Variants in KCNK13 observed in about 807,000 individuals in gnomAD.
KCNK13 encodes potassium channel subfamily K member 13.
KCNK13 carries 12 observed loss-of-function variants against 23.4 expected under a neutral mutation model. The observed-to-expected ratio is 0.51, with a 90% confidence interval of 0.33 to 0.83. The LOEUF (loss-of-function observed/expected upper bound fraction) is 0.83. Ranked by LOEUF, KCNK13 falls within the 40% of genes least tolerant of loss-of-function variation. KCNK13 has a pLI of 0.02. For missense variants in KCNK13, 463 were observed against 556.3 expected, an observed-to-expected ratio of 0.83 and a Z score of 1.69; for synonymous variants, 231 against 229.5, an observed-to-expected ratio of 1.01 and a Z score of -0.06.
intron 1 of KCNK13, among the ~76,000 whole-genome samples, chr14:90,159,843 C>A (rs1453939509): frequency 6.6e-6 from 1 of 152,144 alleles, no homozygotes; most frequent in African/African-American, 2.4e-5. Context: ...CCCTGTATCC[C>A]TTTCTAGATG....
chr14:90,062,127 C>T lies in KCNK13; in HGVS notation c.-79C>T, dbSNP rs1888948420. 2.0e-6 allele frequency: 2 copies of T among 978,332 alleles called. No homozygotes were observed. The highest frequency in any genetic ancestry group is 3.3e-5 in the East Asian group (1 of 30,324). 60.6% of individuals were successfully genotyped at this position (978,332 alleles called of 1,614,324 possible). A position where few individuals can be genotyped will look rare whatever the true frequency, so the allele number is the denominator to read the frequency against. ...CGGGAGCTGGCTGAGCGCCGGGGCC[C>T]TTATTTCCCGGGGGTGTGGGCGAGA... is the stretch of plus-strand genomic sequence containing the variant. On this transcript the variant is annotated 5_prime_UTR_variant, in exon 1 of 2. Transcript: ENST00000282146. The surrounding 1 kb of genome is among the most constrained non-coding windows in gnomAD (Gnocchi z 4.5).
intron 1 of KCNK13, among the ~76,000 whole-genome samples, chr14:90,172,022 A>C (rs1293294085): frequency 1.3e-5 from 2 of 152,046 alleles, no homozygotes; most frequent in African/African-American, 4.8e-5. Flanking sequence ...TGACTTTATA[A>C]AGTTATAGAA....
At chr14:90,099,132 C>T (rs1036740624) in intron 1 of KCNK13, among the ~76,000 whole-genome samples, 6 of 151,960 alleles carry the variant, frequency 3.9e-5, no homozygotes, top group Admixed American at 2.0e-4. Context: ...TGACCACTTA[C>T]GTTTTTGTGC....
rs990117046 is a variant in KCNK13, at chr14:90,184,698, C to T, written c.922C>T (p.Arg308Ter). 5 of 1,614,234 alleles carry T rather than the reference C, an allele frequency of 3.1e-6. No homozygotes were observed. Among genetic ancestry groups the T allele is most frequent in the South Asian group, 1.1e-5 (1 of 91,090 alleles). The change falls in exon 2 of 2, where the codon CGA (arginine) becomes TGA (stop). Residue 308 changes from arginine (R) to a stop codon, truncating the protein, a stop_gained. Transcript: ENST00000282146. LOFTEE classifies it high-confidence loss of function. This position sits in a 1 kb window ranked among gnomAD's most constrained non-coding sequence, Gnocchi z 5.6. ...CCCGCAATGCCAGAGAGGACTCTTG[C>T]GATCACGCAGGAACGTGGTGATGCC... ...CCPQCQRGLL[R>*]SRRNVVMPGS...
chr14:90,088,364 A>G (rs1889305625), intron 1 of KCNK13, among the ~76,000 whole-genome samples: 1 of 152,138 alleles, frequency 6.6e-6, no homozygotes, highest in Non-Finnish European at 1.5e-5. Context: ...GCTCTGATTC[A>G]TAGCATTTGC....
At chr14:90,154,485 G>T (rs777865842) in intron 1 of KCNK13, among the ~76,000 whole-genome samples, 1 of 152,098 alleles carries the variant, frequency 6.6e-6, no homozygotes, top group East Asian at 1.9e-4. Flanking sequence ...CACAATGCTT[G>T]CTCTCTTACC....
At chr14:90,068,885 C>A (rs988026740) in intron 1 of KCNK13, among the ~76,000 whole-genome samples, 1 of 152,126 alleles carries the variant, frequency 6.6e-6, no homozygotes, top group Non-Finnish European at 1.5e-5. Flanking sequence ...GCGCTGAGGG[C>A]AGGTTCATTA....
intron 1 of KCNK13, among the ~76,000 whole-genome samples, chr14:90,070,691 C>A (rs1017891818): frequency 4.6e-5 from 7 of 152,150 alleles, no homozygotes; most frequent in African/African-American, 1.4e-4. Context: ...AGCTTTTCTT[C>A]AATATTTTTG....
chr14:90,140,658 G>A (rs947402900), intron 1 of KCNK13, among the ~76,000 whole-genome samples: 4 of 152,142 alleles, frequency 2.6e-5, no homozygotes, highest in African/African-American at 4.8e-5. Context: ...TGTACCCTCC[G>A]AATTATCTGA....
intron 1 of KCNK13, among the ~76,000 whole-genome samples, chr14:90,074,009 C>A (rs1217587894): frequency 2.0e-5 from 3 of 151,906 alleles, no homozygotes; most frequent in Non-Finnish European, 4.4e-5. Context: ...GGGGACGGAG[C>A]CCAGGCTGGA....
At chr14:90,103,051 G>A (rs989400304) in intron 1 of KCNK13, among the ~76,000 whole-genome samples, 3 of 152,118 alleles carry the variant, frequency 2.0e-5, no homozygotes, top group Non-Finnish European at 4.4e-5. Flanking sequence ...CTGTTCCTGT[G>A]TTATACACTT....
At chr14:90,096,889 C>G (rs1216258478) in intron 1 of KCNK13, among the ~76,000 whole-genome samples, 7 of 152,174 alleles carry the variant, frequency 4.6e-5, no homozygotes, top group Admixed American at 4.6e-4. Context: ...AAACAACTAA[C>G]GATGACTGCC....
At chr14:90,097,480 C>T (rs1264287002) in intron 1 of KCNK13, among the ~76,000 whole-genome samples, 1 of 152,110 alleles carries the variant, frequency 6.6e-6, no homozygotes, top group African/African-American at 2.4e-5. Flanking sequence ...GAGGGATCTG[C>T]CCCCTGTGAC....
rs987054115 is a variant in KCNK13 at position 90,062,986 on chromosome 14, A to T, written c.334+447A>T. 2.6e-5 allele frequency among the ~76,000 whole-genome samples: 4 copies of T among 152,154 alleles called. No individual in the cohort carries two copies. The highest frequency in any genetic ancestry group is 6.5e-5 in the Admixed American group (1 of 15,274). ...AGAGGGGAAGTGCAGATTTTAAAAG[A>T]TTCTGCCCTCGACTTCACACTTACC... On this transcript the variant is annotated intron_variant, in intron 1 of 1. Coordinates refer to ENST00000282146, the MANE Select transcript of KCNK13 (RefSeq NM_022054.4). This position sits in a 1 kb window ranked among gnomAD's most constrained non-coding sequence, Gnocchi z 4.5.
rs66511223 is a variant in KCNK13 at position 90,104,791 on chromosome 14, C to CTTTTTT, written c.334+42265_334+42270dup. On this transcript the variant is annotated intron_variant, in intron 1 of 1. Coordinates refer to ENST00000282146, the MANE Select transcript of KCNK13 (RefSeq NM_022054.4). Reference sequence around the variant, plus strand: ...GGGATCAGCTACTTTCTTTTCTTTTCTTTTTTTTTTTTTTTTTTGAGAGAG... The same window carrying CTTTTTT: ...GGGATCAGCTACTTTCTTTTCTTTTCTTTTTTTTTTTTTTTTTTTTTTTTGAGAGAG... Among the ~76,000 whole-genome samples the CTTTTTT allele has an allele frequency of 5.2e-4, 59 of 113,486 alleles. 1 individual carries two copies. Among genetic ancestry groups the CTTTTTT allele is most frequent in the East Asian group, 7.7e-4 (3 of 3,892 alleles). 74.5% of individuals were successfully genotyped at this position (113,486 alleles called of 152,430 possible). A position where few individuals can be genotyped will look rare whatever the true frequency, so the allele number is the denominator to read the frequency against.
chr14:90,182,273 C>T (rs1890496083), intron 1 of KCNK13, among the ~76,000 whole-genome samples: 1 of 152,310 alleles, frequency 6.6e-6, no homozygotes, highest in Middle Eastern at 3.4e-3. Context: ...AGTATGCACA[C>T]CTGGATGTTT....
intron 1 of KCNK13, among the ~76,000 whole-genome samples, chr14:90,130,619 C>T (rs1474018084): frequency 6.6e-6 from 1 of 151,908 alleles, no homozygotes; most frequent in Non-Finnish European, 1.5e-5. Context: ...TTCAGACAAG[C>T]CTGGCCAAAG....
intron 1 of KCNK13, among the ~76,000 whole-genome samples, chr14:90,124,424 C>T (rs1313781516): frequency 1.3e-5 from 2 of 152,096 alleles, no homozygotes; most frequent in Non-Finnish European, 2.9e-5. Context: ...TAGCAGAGGT[C>T]GGAGAAATAT....
At chr14:90,117,135 T>TA (rs573441824) in intron 1 of KCNK13, among the ~76,000 whole-genome samples, 101 of 152,314 alleles carry the variant, frequency 6.6e-4, no homozygotes, top group African/African-American at 2.4e-3. Context: ...GGTGACTTGA[T>TA]ACAAGCACTG....
Sources: gnomAD v4.1 joint callset for allele counts (sites outside exome capture counted in the v4.1 genomes callset) on GRCh38, gnomAD v4.1.1 for gene constraint, Gnocchi (gnomAD v3.1) non-coding constraint, MANE v1.5 for transcripts, NCBI Gene and HGNC (gene_info 2026-07-23, HGNC 2026-07-21) for gene names.